The following APBB1IP variants were observed in gnomAD, a reference collection of about 807,000 sequenced individuals.
The protein encoded by APBB1IP is amyloid beta precursor protein binding family B member 1 interacting protein.
A neutral mutation model predicts 64.9 loss-of-function variants in APBB1IP; 27 were observed. That is an observed-to-expected ratio of 0.42 (90% CI 0.31 to 0.57). The LOEUF is 0.57. APBB1IP is among the 20% of genes least tolerant of loss of function. The pLI is 0.20. For missense variants in APBB1IP, 812 were observed against 845.5 expected (o/e 0.96, Z 0.49); for synonymous variants, 392 against 331.0 (o/e 1.18, Z -2.00).
At chr10:26,525,532 T>C (rs570242082) in intron 8 of APBB1IP, among the ~76,000 whole-genome samples, 1 of 152,248 alleles carries the variant, frequency 6.6e-6, no homozygotes, top group East Asian at 1.9e-4. Flanking sequence ...ATGTGGTCTC[T>C]TTTGGGAAAG....
At chr10:26,552,009 A>T (rs1190897303) in intron 11 of APBB1IP, among the ~76,000 whole-genome samples, 1 of 152,178 alleles carries the variant, frequency 6.6e-6, no homozygotes, top group Non-Finnish European at 1.5e-5. Flanking sequence ...CCTTCAAAAC[A>T]TGGTTCAGGG....
At chr10:26,553,247 C>T (rs112023458) in intron 11 of APBB1IP, among the ~76,000 whole-genome samples, 12,257 of 152,006 alleles carry the variant, frequency 0.081, 1,354 homozygotes, top group African/African-American at 0.25. Flanking sequence ...GTCTCGAACC[C>T]CTGACCTCAT....
At chr10:26,505,743 G>A (rs542602270) in intron 6 of APBB1IP, among the ~76,000 whole-genome samples, 87 of 148,846 alleles carry the variant, frequency 5.8e-4, no homozygotes, top group Admixed American at 2.8e-3. Context: ...ATCTACCTGC[G>A]TGCATCTGTA....
At chr10:26,520,982 G>A (rs866051450) in intron 8 of APBB1IP, among the ~76,000 whole-genome samples, 6 of 152,206 alleles carry the variant, frequency 3.9e-5, no homozygotes, top group African/African-American at 9.7e-5. Context: ...ACAGAAAGAT[G>A]CTTAATTAGG....
chr10:26,535,344 T>C (rs1836607079), intron 9 of APBB1IP, among the ~76,000 whole-genome samples: 1 of 152,164 alleles, frequency 6.6e-6, no homozygotes, highest in South Asian at 2.1e-4. Context: ...ACATAGTATG[T>C]ATACATTTAT....
intron 2 of APBB1IP, among the ~76,000 whole-genome samples, chr10:26,439,190 C>T (rs1344984658): frequency 1.3e-5 from 2 of 152,090 alleles, no homozygotes; most frequent in African/African-American, 4.8e-5. Context: ...AACCCTTGCA[C>T]GTCCAGCAGG....
chr10:26,526,503 G>C (rs1037607628), intron 8 of APBB1IP, among the ~76,000 whole-genome samples: 1 of 141,638 alleles, frequency 7.1e-6, no homozygotes. Flanking sequence ...GGCAGATCAC[G>C]AAGTCAGGAG....
At chr10:26,455,681 T>C (rs1219914179) in intron 2 of APBB1IP, among the ~76,000 whole-genome samples, 1 of 145,012 alleles carries the variant, frequency 6.9e-6, no homozygotes, top group Non-Finnish European at 1.5e-5. Flanking sequence ...TTTAGAGTTT[T>C]GGGGGATTTC....
At chr10:26,565,915 TACAATGGTCATATAAATCTTTAACAAA>T (rs770843649) in intron 14 of APBB1IP, among the ~76,000 whole-genome samples, 55 of 152,228 alleles carry the variant, frequency 3.6e-4, no homozygotes, top group Admixed American at 1.3e-4. Context: ...TTGGTCAGGT[TACAATGGTCATATAAATCTTTAACAAA>T]ACATAGTTGT....
chr10:26,535,831 C>T (rs747631720), intron 9 of APBB1IP, among the ~76,000 whole-genome samples: 66 of 152,144 alleles, frequency 4.3e-4, no homozygotes, highest in Non-Finnish European at 8.8e-4. Flanking sequence ...TAATGGCCCA[C>T]GGTCACAGAG....
chr10:26,447,166 G>A (rs1835408872), intron 2 of APBB1IP, among the ~76,000 whole-genome samples: 2 of 151,898 alleles, frequency 1.3e-5, no homozygotes, highest in Admixed American at 6.6e-5. Context: ...GAGGTCAGGA[G>A]ATCGAGACCA....
intron 2 of APBB1IP, among the ~76,000 whole-genome samples, chr10:26,488,002 C>T (rs1224040691): frequency 2.0e-5 from 3 of 152,162 alleles, no homozygotes; most frequent in Non-Finnish European, 4.4e-5. Flanking sequence ...AATAATTACT[C>T]TTAATAATAA....
intron 8 of APBB1IP, among the ~76,000 whole-genome samples, chr10:26,523,715 T>C (rs1470423005): frequency 6.6e-6 from 1 of 151,880 alleles, no homozygotes; most frequent in Non-Finnish European, 1.5e-5. Context: ...ACATCTGCAG[T>C]CTCAGCATTT....
chr10:26,532,256 A>G (rs1210877485), intron 8 of APBB1IP, among the ~76,000 whole-genome samples: 2 of 152,172 alleles, frequency 1.3e-5, no homozygotes, highest in Non-Finnish European at 2.9e-5. Context: ...TAAAATCCTC[A>G]GCACTCTATG....
At chr10:26,565,289 A>G (rs550273499) in intron 14 of APBB1IP, among the ~76,000 whole-genome samples, 1 of 152,312 alleles carries the variant, frequency 6.6e-6, no homozygotes, top group East Asian at 1.9e-4. Flanking sequence ...TACTCCTGAC[A>G]CGAGCTTCAC....
chr10:26,443,586 G>T (rs974214105), intron 2 of APBB1IP, among the ~76,000 whole-genome samples: 7 of 151,982 alleles, frequency 4.6e-5, no homozygotes, highest in Admixed American at 3.9e-4. Flanking sequence ...GCAGGCTGGA[G>T]TGCAGCAGCA....
intron 2 of APBB1IP, among the ~76,000 whole-genome samples, chr10:26,479,555 C>T (rs75960581): frequency 0.068 from 10,303 of 151,736 alleles, 1,121 homozygotes; most frequent in African/African-American, 0.23. Context: ...AAATGAAACT[C>T]TTTATTTTAC....
intron 2 of APBB1IP, among the ~76,000 whole-genome samples, chr10:26,449,016 G>C (rs10829001): frequency 6.6e-6 from 1 of 151,634 alleles, no homozygotes; most frequent in South Asian, 2.1e-4. Context: ...CTGTCTTTCA[G>C]GGGAGGGCAG....
chr10:26,541,625 A>G lies in APBB1IP; in HGVS notation c.1088A>G (p.Asn363Ser), dbSNP rs1483915178. The change falls in exon 11 of 15, where the codon AAC (asparagine) becomes AGC (serine). Residue 363 changes from asparagine (N) to serine (S), a missense_variant. By Grantham distance (46) the Asn-to-Ser change is conservative (BLOSUM62 1). This residue lies in a region of APBB1IP where 37 missense variants were observed against 80.4 expected (regional missense o/e 0.46). Coordinates refer to ENST00000376236, the MANE Select transcript of APBB1IP (RefSeq NM_019043.4). ...LACFIQFENV[N>S]IYYGTQHKMK... ...TGTTTTATACAGTTTGAAAATGTCA[A>G]CATTTACTATGGGACTCAGCATAAA... 7 of 1,612,096 alleles carry G rather than the reference A, an allele frequency of 4.3e-6. No homozygotes were observed. The African/African-American group carries it at 5.3e-5, about 12-fold the overall frequency.
Sources: gnomAD v4.1 joint callset for allele counts (sites outside exome capture counted in the v4.1 genomes callset) on GRCh38, gnomAD v4.1.1 for gene constraint, gnomAD v4.1.1 regional missense constraint, MANE v1.5 for transcripts, NCBI Gene and HGNC (gene_info 2026-07-23, HGNC 2026-07-21) for gene names.